The following KCNH1 variants were observed in gnomAD, a reference collection of about 807,000 sequenced individuals.
The protein encoded by KCNH1 is potassium voltage-gated channel subfamily H member 1.
Under a neutral mutation model 69.2 loss-of-function variants are expected in KCNH1, and 27 were observed. The ratio of observed to expected loss-of-function variants is 0.39; its 90% CI spans 0.29 to 0.54. The LOEUF (loss-of-function observed/expected upper bound fraction) is 0.54, where lower values mean the gene tolerates loss of function less well. Ranked by LOEUF, KCNH1 falls within the 20% of genes least tolerant of loss-of-function variation. The pLI is 0.68. For missense variants in KCNH1, 798 were observed against 1,261.6 expected (o/e 0.63, Z 5.57); for synonymous variants, 456 against 487.7 (o/e 0.93, Z 0.86).
intron 6 of KCNH1, among the ~76,000 whole-genome samples, chr1:210,935,440 C>T (rs894718189): frequency 3.3e-5 from 5 of 151,994 alleles, no homozygotes; most frequent in Admixed American, 2.6e-4. Context: ...AATTCTAGTA[C>T]CCTATAGCAC....
chr1:210,722,453 A>G (rs529968755), intron 10 of KCNH1, among the ~76,000 whole-genome samples: 1 of 152,100 alleles, frequency 6.6e-6, no homozygotes, highest in Non-Finnish European at 1.5e-5. Context: ...CAGGGAATGA[A>G]GGAAAGCCAG....
chr1:210,862,972 GC>G (rs756943364), intron 7 of KCNH1, among the ~76,000 whole-genome samples: 1 of 152,140 alleles, frequency 6.6e-6, no homozygotes, highest in Non-Finnish European at 1.5e-5. Flanking sequence ...ACTGTGATTT[GC>G]CCATTCTAGA....
intron 1 of KCNH1, among the ~76,000 whole-genome samples, chr1:211,125,452 C>T (rs1691760908): frequency 6.6e-6 from 1 of 152,196 alleles, no homozygotes; most frequent in Non-Finnish European, 1.5e-5. Flanking sequence ...AAAATAAAAA[C>T]TTAAATATCA....
chr1:210,943,371 T>G (rs981998830), intron 6 of KCNH1, among the ~76,000 whole-genome samples: 1 of 152,020 alleles, frequency 6.6e-6, no homozygotes, highest in South Asian at 2.1e-4. Flanking sequence ...TTTTTTGAGA[T>G]GGAGTCTCTC....
chr1:211,086,806 G>T (rs1690960306), intron 4 of KCNH1, among the ~76,000 whole-genome samples: 1 of 152,134 alleles, frequency 6.6e-6, no homozygotes, highest in African/African-American at 2.4e-5. Flanking sequence ...AAAGACAGAG[G>T]CCAGCCTTGT....
intron 7 of KCNH1, among the ~76,000 whole-genome samples, chr1:210,908,185 T>G (rs1687155335): frequency 6.6e-6 from 1 of 152,202 alleles, no homozygotes; most frequent in Admixed American, 6.5e-5. Context: ...AGAAAATGAA[T>G]GGCTAATTAT....
At chr1:210,963,398 T>C (rs547677981) in intron 6 of KCNH1, among the ~76,000 whole-genome samples, 26 of 152,052 alleles carry the variant, frequency 1.7e-4, no homozygotes, top group Admixed American at 8.5e-4. Context: ...GGATCACAAC[T>C]CCTCACCAGC....
intron 1 of KCNH1, among the ~76,000 whole-genome samples, chr1:211,125,634 C>T (rs1691763610): frequency 2.0e-5 from 3 of 152,154 alleles, no homozygotes; most frequent in Admixed American, 1.3e-4. Flanking sequence ...CTTTCAAATG[C>T]TGACTCCAGC....
intron 9 of KCNH1, among the ~76,000 whole-genome samples, chr1:210,791,336 C>A (rs17188623): frequency 0.17 from 26,539 of 152,204 alleles, 3,070 homozygotes; most frequent in Non-Finnish European, 0.26. Flanking sequence ...CGTGGAATCA[C>A]CTCTGGGGCT....
chr1:211,125,792 C>G (rs1691767592), intron 1 of KCNH1, among the ~76,000 whole-genome samples: 1 of 152,264 alleles, frequency 6.6e-6, no homozygotes, highest in Admixed American at 6.5e-5. Context: ...TTTAGTCACT[C>G]TCAATTAATA....
At chr1:210,767,030 G>T (rs1170195142) in intron 10 of KCNH1, among the ~76,000 whole-genome samples, 1 of 152,238 alleles carries the variant, frequency 6.6e-6, no homozygotes, top group African/African-American at 2.4e-5. Context: ...GTCAAAATTT[G>T]TAAGGACATG....
chr1:211,120,933 T>C (rs965646211), intron 1 of KCNH1, among the ~76,000 whole-genome samples: 1 of 152,084 alleles, frequency 6.6e-6, no homozygotes, highest in African/African-American at 2.4e-5. Flanking sequence ...CCATTCACAA[T>C]CACTGCAAAC....
intron 7 of KCNH1, among the ~76,000 whole-genome samples, chr1:210,888,873 C>T (rs1427189732): frequency 1.3e-5 from 2 of 152,108 alleles, no homozygotes; most frequent in Non-Finnish European, 2.9e-5. Context: ...AATACCTGAA[C>T]AGACCAATAA....
At chr1:211,118,913 G>A (rs896707368) in intron 1 of KCNH1, among the ~76,000 whole-genome samples, 2 of 152,212 alleles carry the variant, frequency 1.3e-5, no homozygotes, top group African/African-American at 4.8e-5. Context: ...CAAGTGTACT[G>A]TTCCCTGCCA....
chr1:210,951,198 A>C (rs918897309), intron 6 of KCNH1, among the ~76,000 whole-genome samples: 1 of 152,178 alleles, frequency 6.6e-6, no homozygotes, highest in African/African-American at 2.4e-5. Flanking sequence ...GCTACGACAG[A>C]AACTCCACTA....
At chr1:211,109,006 C>T (rs2102487574) in intron 1 of KCNH1, among the ~76,000 whole-genome samples, 1 of 152,268 alleles carries the variant, frequency 6.6e-6, no homozygotes, top group East Asian at 1.9e-4. Flanking sequence ...ACAATGAACT[C>T]TGAGAGAGGT....
At chr1:211,031,512 G>A (rs943941678) in intron 5 of KCNH1, among the ~76,000 whole-genome samples, 7 of 152,096 alleles carry the variant, frequency 4.6e-5, no homozygotes, top group Admixed American at 1.3e-4. Flanking sequence ...CTGGCAAACT[G>A]AATCCAGCAG....
intron 7 of KCNH1, among the ~76,000 whole-genome samples, chr1:210,850,412 G>A (rs1410049318): frequency 2.8e-4 from 42 of 152,168 alleles, no homozygotes; most frequent in Non-Finnish European, 1.5e-5. Context: ...TCGGGAGGCT[G>A]AGGCATGAGA....
chr1:210,727,262 T>C (rs997991091), intron 10 of KCNH1, among the ~76,000 whole-genome samples: 1 of 152,228 alleles, frequency 6.6e-6, no homozygotes, highest in East Asian at 1.9e-4. Context: ...CAAAGGCATA[T>C]TCCCACTAAG....
Sources: allele counts gnomAD v4.1 joint callset (sites outside exome capture counted in the v4.1 genomes callset), GRCh38; gene constraint gnomAD v4.1.1; transcripts MANE v1.5; gene names NCBI Gene and HGNC (gene_info 2026-07-23, HGNC 2026-07-21).